Variants in VPS37A observed in about 807,000 individuals in gnomAD.
VPS37A encodes VPS37A subunit of ESCRT-I.
A neutral mutation model predicts 49.8 loss-of-function variants in VPS37A; 30 were observed. The observed-to-expected ratio is 0.60, with a 90% confidence interval of 0.45 to 0.82. The LOEUF (loss-of-function observed/expected upper bound fraction) is 0.82, where lower values mean the gene tolerates loss of function less well. Ranked by LOEUF, VPS37A falls within the 40% of genes least tolerant of loss-of-function variation. VPS37A has a pLI of 0.00. For synonymous variants in VPS37A, 195 were observed against 160.6 expected, an observed-to-expected ratio of 1.21 and a Z score of -1.62; for missense variants, 593 against 464.4, an observed-to-expected ratio of 1.28 and a Z score of -2.55.
In VPS37A at chr8:17,296,041, G is replaced by A. The variant is rs1465373774; in HGVS notation, c.*1055G>A. On this transcript the variant is annotated 3_prime_UTR_variant, in exon 12 of 12. Coordinates refer to ENST00000324849, the MANE Select transcript of VPS37A (RefSeq NM_152415.3). Reference sequence around the variant, plus strand: ...GAACTATGTAGCTCAGGCTTGGTAAGGTGCCATCTAAATTACAAAACAAAC... The same window carrying A: ...GAACTATGTAGCTCAGGCTTGGTAAAGTGCCATCTAAATTACAAAACAAAC... 6.6e-6 allele frequency: 1 copy of A among 152,104 alleles called. No individual in the cohort carries two copies. Among genetic ancestry groups the A allele is most frequent in the African/African-American group, 2.4e-5 (1 of 41,424 alleles). The allele number at this position is 152,104 out of a possible 1,614,324, so 9.4% of individuals were successfully genotyped here.
intron 9 of VPS37A, among the ~76,000 whole-genome samples, chr8:17,283,093 T>C (rs749444425): frequency 2.0e-5 from 3 of 152,186 alleles, no homozygotes; most frequent in Non-Finnish European, 2.9e-5. Flanking sequence ...GCAAGGGCAA[T>C]GAGAAAATGG....
At position 17,280,374 on chromosome 8, in the gene VPS37A, G is replaced by A. The variant is rs1220004029; in HGVS notation, c.901-1G>A. The A allele has an allele frequency of 1.2e-6, 2 of 1,604,584 alleles. No individual in the cohort carries two copies. Among genetic ancestry groups the A allele is most frequent in the East Asian group, 4.5e-5 (2 of 44,788 alleles). ...AACAACCTTTTCATTTTCTCTTTTA[G>A]TATGAATTACTTACACAGATGAAGT... On this transcript the variant is annotated splice_acceptor_variant, in intron 8 of 11. Transcript: ENST00000324849. LOFTEE classifies it high-confidence loss of function.
chr8:17,317,892 C>T, the VPS37A span, among the ~76,000 whole-genome samples: 4 of 152,110 alleles, frequency 2.6e-5, no homozygotes, highest in East Asian at 1.9e-4. Context: ...TTCAATCTCC[C>T]GTCCTTCTGT....
the VPS37A span, among the ~76,000 whole-genome samples, chr8:17,327,273 C>A: frequency 6.6e-6 from 1 of 151,960 alleles, no homozygotes; most frequent in Admixed American, 6.6e-5. Context: ...ATGTCTATAT[C>A]TTATTTTATT....
At chr8:17,314,359 T>C in the VPS37A span, among the ~76,000 whole-genome samples, 2 of 152,138 alleles carry the variant, frequency 1.3e-5, no homozygotes. Context: ...CCCAACTCCA[T>C]GGGCAATGAG....
At chr8:17,275,513 A>G (rs1015877551) in intron 5 of VPS37A, among the ~76,000 whole-genome samples, 3 of 152,144 alleles carry the variant, frequency 2.0e-5, no homozygotes, top group African/African-American at 7.2e-5. Flanking sequence ...TGGCTGCCAT[A>G]TAGGGTGTGG....
the VPS37A span, among the ~76,000 whole-genome samples, chr8:17,323,208 C>A: frequency 1.6e-4 from 24 of 151,958 alleles, no homozygotes; most frequent in Admixed American, 3.3e-4. Context: ...CAGCCTCCCA[C>A]AGTGCTGAGA....
At chr8:17,270,369 C>G (rs1813859959) in intron 4 of VPS37A, among the ~76,000 whole-genome samples, 1 of 152,024 alleles carries the variant, frequency 6.6e-6, no homozygotes. Context: ...TTTTGCATTA[C>G]CTGGTGTCGT....
At position 17,270,988 on chromosome 8, in the gene VPS37A, C is replaced by T. The variant is rs544128758; in HGVS notation, c.416+2032C>T. Among the ~76,000 whole-genome samples the T allele has an allele frequency of 7.9e-4, 121 of 152,246 alleles. 1 individual carries two copies. Among genetic ancestry groups the T allele is most frequent in the Middle Eastern group, 3.4e-3 (1 of 294 alleles). On this transcript the variant is annotated intron_variant, in intron 4 of 11. Coordinates refer to ENST00000324849, the MANE Select transcript of VPS37A (RefSeq NM_152415.3). ...CACTGTACAATGGTAGAACAAGCCT[C>T]GGGTAACCACTATAGATTCCAAAAG...
intron 11 of VPS37A, among the ~76,000 whole-genome samples, chr8:17,289,108 CT>C (rs1215284913): frequency 6.6e-6 from 1 of 152,094 alleles, no homozygotes; most frequent in African/African-American, 2.4e-5. Flanking sequence ...GATATTAGCC[CT>C]TTGTCAGATG....
At chr8:17,299,866 G>A (rs1314713888), downstream of VPS37A, 1 of 1,613,824 alleles carries the variant, frequency 6.2e-7, no homozygotes, top group Admixed American at 1.7e-5. Flanking sequence ...GAAACTTCAG[G>A]CAGTGAGAAA....
At position 17,280,063 on chromosome 8, in the gene VPS37A, A is replaced by G. The variant is rs1563275355; in HGVS notation, c.749A>G (p.Glu250Gly). 1 of 1,611,912 alleles carries G rather than the reference A, an allele frequency of 6.2e-7. No homozygotes were observed. Among genetic ancestry groups the G allele is most frequent in the Non-Finnish European group, 8.5e-7 (1 of 1,179,106 alleles). Residue 250 changes from glutamate to glycine, a missense_variant, in exon 7 of 12, where the codon GAG becomes GGG. Glu to Gly is a moderately conservative substitution (Grantham distance 98, BLOSUM62 -2). Coordinates refer to ENST00000324849, the MANE Select transcript of VPS37A (RefSeq NM_152415.3). ...SQLTDMNEQE[E>G]VLLEQFLTLP... ...CTCACAGATATGAATGAACAAGAGG[A>G]GGTATTACTAGAACAGTTTCTGACT...
the VPS37A span, among the ~76,000 whole-genome samples, chr8:17,314,425 A>C: frequency 2.6e-5 from 4 of 152,184 alleles, no homozygotes; most frequent in Admixed American, 6.5e-5. Context: ...CTTCATTTTT[A>C]AAATGGGGAA....
chr8:17,324,309 C>G, the VPS37A span, among the ~76,000 whole-genome samples: 1 of 152,206 alleles, frequency 6.6e-6, no homozygotes, highest in Non-Finnish European at 1.5e-5. Flanking sequence ...GTGTTAAGTA[C>G]TTACTACAAG....
At chr8:17,263,991 C>T (rs531447406) in intron 1 of VPS37A, among the ~76,000 whole-genome samples, 1 of 152,154 alleles carries the variant, frequency 6.6e-6, no homozygotes, top group Non-Finnish European at 1.5e-5. Context: ...AGGGACCAAC[C>T]TCCATGTTCT....
intron 2 of VPS37A, 36 bp from the exon 3 acceptor site, chr8:17,268,222 T>C (rs1304161625): frequency 1.4e-6 from 2 of 1,432,190 alleles, no homozygotes; most frequent in South Asian, 1.2e-5. Context: ...CTTTGTTATC[T>C]TTGTTTTTGT....
chr8:17,322,010 G>A, the VPS37A span, among the ~76,000 whole-genome samples: 4 of 121,514 alleles, frequency 3.3e-5, no homozygotes, highest in African/African-American at 1.6e-4. Flanking sequence ...TGGGGTCAGT[G>A]AGGGTGCAGA....
intron 2 of VPS37A, 88 bp from the exon 3 acceptor site, chr8:17,268,170 T>C (rs1813642697): frequency 1.1e-6 from 1 of 905,258 alleles, no homozygotes; most frequent in Non-Finnish European, 1.7e-6. Context: ...TTTAATTTAC[T>C]TTTAAATAGC....
At chr8:17,321,568 C>G in the VPS37A span, among the ~76,000 whole-genome samples, 2 of 152,196 alleles carry the variant, frequency 1.3e-5, no homozygotes, top group Non-Finnish European at 2.9e-5. Flanking sequence ...TGGGGATACA[C>G]TTGAGACCAA....
Sources: allele counts gnomAD v4.1 joint callset (sites outside exome capture counted in the v4.1 genomes callset), GRCh38; gene constraint gnomAD v4.1.1; transcripts MANE v1.5; gene names NCBI Gene and HGNC (gene_info 2026-07-23, HGNC 2026-07-21).